The following BCL11B variants were observed in gnomAD, a reference collection of about 807,000 sequenced individuals.
BCL11B encodes BCL11 transcription factor B, also known as B-cell lymphoma/leukemia 11B.
Under a neutral mutation model 49.9 loss-of-function variants are expected in BCL11B, and 8 were observed. That is an observed-to-expected ratio of 0.16 (90% CI 0.09 to 0.29). BCL11B has a LOEUF of 0.29. BCL11B is among the 10% of genes least tolerant of loss of function. BCL11B has a pLI of 1.00. For synonymous variants in BCL11B, 739 were observed against 637.4 expected (o/e 1.16, Z -2.40); for missense variants, 1,006 against 1,351.0 (o/e 0.74, Z 4.00).
At chr14:99,191,208 G>C (rs1031388236) in intron 3 of BCL11B, among the ~76,000 whole-genome samples, 1 of 18,682 alleles carries the variant, frequency 5.4e-5, no homozygotes, top group Non-Finnish European at 3.6e-4. Context: ...AAGACTGAAG[G>C]GGCTTGGGCT....
At chr14:99,219,727 T>C (rs1887954567) in intron 3 of BCL11B, among the ~76,000 whole-genome samples, 1 of 151,772 alleles carries the variant, frequency 6.6e-6, no homozygotes, top group African/African-American at 2.4e-5. Flanking sequence ...ATGAAAATTG[T>C]CCATTTGTAG....
rs1888687624 is a variant in BCL11B, at chr14:99,242,102, G to C, written c.428-10545C>G. On this transcript the variant is annotated intron_variant, in intron 2 of 3. Coordinates refer to ENST00000357195, the MANE Select transcript of BCL11B (RefSeq NM_138576.4). This position sits in a 1 kb window ranked among gnomAD's most constrained non-coding sequence, Gnocchi z 4.4. ...GGGAGCAGGGGCAGGCGGCGCTGAA[G>C]GAAGACTTTCTGAGCGGTTCGGTTC... is the stretch of plus-strand genomic sequence containing the variant. 6.6e-6 allele frequency among the ~76,000 whole-genome samples: 1 copy of C among 152,158 alleles called. No individual in the cohort carries two copies. The highest frequency in any genetic ancestry group is 2.1e-4 in the South Asian group (1 of 4,830).
intron 1 of BCL11B, among the ~76,000 whole-genome samples, chr14:99,270,923 G>A (rs1160829526): frequency 6.6e-6 from 1 of 150,550 alleles, no homozygotes; most frequent in African/African-American, 2.4e-5. Context: ...AGCCGGCTCC[G>A]CAGGCCCCCG....
chr14:99,186,534 CA>C (rs1886858824), intron 3 of BCL11B, among the ~76,000 whole-genome samples: 1 of 152,150 alleles, frequency 6.6e-6, no homozygotes, highest in Admixed American at 6.5e-5. Context: ...AAAAGTGCAT[CA>C]TGCAGAGAAG....
At position 99,228,854 on chromosome 14, in the gene BCL11B, G is replaced by A. The variant is rs1179620343; in HGVS notation, c.640+2491C>T. On this transcript the variant is annotated intron_variant, in intron 3 of 3. Transcript: ENST00000357195. The surrounding 1 kb of genome is among the most constrained non-coding windows in gnomAD (Gnocchi z 4.8). ...AGGGACCTGCCTGCCGACTCTTCCT[G>A]TGTGTGCACAGTGCTACAAGCTAGG... is the stretch of plus-strand genomic sequence containing the variant. Among the ~76,000 whole-genome samples, 1 of 152,220 alleles carries A rather than the reference G, an allele frequency of 6.6e-6. No homozygotes were observed. The highest frequency in any genetic ancestry group is 1.5e-5 in the Non-Finnish European group (1 of 68,050).
chr14:99,198,035 T>C (rs1028337972), intron 3 of BCL11B, among the ~76,000 whole-genome samples: 1 of 152,216 alleles, frequency 6.6e-6, no homozygotes, highest in Non-Finnish European at 1.5e-5. Flanking sequence ...ATCCCCCTGA[T>C]CCATCGAAGG....
chr14:99,194,060 A>G lies in BCL11B; in HGVS notation c.641-17865T>C, dbSNP rs1316952042. Among the ~76,000 whole-genome samples the G allele has an allele frequency of 6.6e-6, 1 of 152,152 alleles. No homozygotes were observed. Among genetic ancestry groups the G allele is most frequent in the Non-Finnish European group, 1.5e-5 (1 of 68,022 alleles). On this transcript the variant is annotated intron_variant, in intron 3 of 3. Transcript: ENST00000357195. The surrounding 1 kb of genome is among the most constrained non-coding windows in gnomAD (Gnocchi z 4.6). ...GCCAGACAATATGGGCCCAAAGCAA[A>G]TGGCAAATTCAGTGATTTTGCAAGG...
chr14:99,191,736 C>T (rs888612631), intron 3 of BCL11B, among the ~76,000 whole-genome samples: 2 of 150,740 alleles, frequency 1.3e-5, no homozygotes, highest in African/African-American at 2.4e-5. Context: ...AAAAAAAATG[C>T]TCCGAGTGAC....
chr14:99,178,493 C>T (rs1461914876), intron 3 of BCL11B, among the ~76,000 whole-genome samples: 1 of 151,494 alleles, frequency 6.6e-6, no homozygotes, highest in Non-Finnish European at 1.5e-5. Context: ...ACCCCAACAC[C>T]ACAGCCCTCC....
Position 99,231,392 on chromosome 14 carries a change from C to A in BCL11B, c.593G>T (p.Gly198Val). ...ARPVSGDGTQ[G>V]EGQTEAPFGC... ...AAAGGGAGCCTCCGTCTGACCCTCACCCTGAGTCCCGTCACCCGAGACCGG... is the reference window on the plus strand; with the variant it reads ...AAAGGGAGCCTCCGTCTGACCCTCAACCTGAGTCCCGTCACCCGAGACCGG... The change falls in exon 3 of 4, where the codon GGT (glycine) becomes GTT (valine). Residue 198 changes from glycine (G) to valine (V), a missense_variant. Coordinates refer to ENST00000357195, the MANE Select transcript of BCL11B (RefSeq NM_138576.4). This position sits in a 1 kb window ranked among gnomAD's most constrained non-coding sequence, Gnocchi z 8.1. The A allele has an allele frequency of 1.2e-6, 2 of 1,602,002 alleles. No homozygotes were observed. The highest frequency in any genetic ancestry group is 1.7e-5 in the Admixed American group (1 of 58,436).
At chr14:99,203,891 G>T (rs115944431) in intron 3 of BCL11B, among the ~76,000 whole-genome samples, 1 of 149,278 alleles carries the variant, frequency 6.7e-6, no homozygotes, top group Non-Finnish European at 1.5e-5. Context: ...CAATCTTATC[G>T]CAACGCCCCA....
chr14:99,231,206 A>G lies in BCL11B; in HGVS notation c.640+139T>C. The G allele has an allele frequency of 1.1e-6, 1 of 936,294 alleles. No homozygotes were observed. The highest frequency in any genetic ancestry group is 2.7e-5 in the East Asian group (1 of 37,124). 58.0% of individuals were successfully genotyped at this position (936,294 alleles called of 1,614,324 possible). ...GCTCATAGTTCAGCGAACATTCTTTACCACTTCCCCTGGCACCCCAAAAAG... is the reference window on the plus strand; with the variant it reads ...GCTCATAGTTCAGCGAACATTCTTTGCCACTTCCCCTGGCACCCCAAAAAG... On this transcript the variant is annotated intron_variant, in intron 3 of 3. Coordinates refer to ENST00000357195, the MANE Select transcript of BCL11B (RefSeq NM_138576.4). This position sits in a 1 kb window ranked among gnomAD's most constrained non-coding sequence, Gnocchi z 8.1.
intron 3 of BCL11B, among the ~76,000 whole-genome samples, chr14:99,197,698 C>T (rs1043158159): frequency 2.6e-5 from 4 of 152,148 alleles, no homozygotes; most frequent in South Asian, 4.1e-4. Flanking sequence ...TTATTTCTAA[C>T]GTCTCTATCT....
intron 3 of BCL11B, among the ~76,000 whole-genome samples, chr14:99,200,465 G>T (rs1228495049): frequency 6.6e-6 from 1 of 152,374 alleles, no homozygotes; most frequent in East Asian, 1.9e-4. Flanking sequence ...GCCCTGTAGG[G>T]CAAGGCATCT....
chr14:99,183,545 T>C (rs1886770102), intron 3 of BCL11B, among the ~76,000 whole-genome samples: 1 of 151,910 alleles, frequency 6.6e-6, no homozygotes, highest in Non-Finnish European at 1.5e-5. Context: ...CCCAGACACT[T>C]CGGCCAAGTT....
At chr14:99,243,319 C>T (rs1423965877) in intron 2 of BCL11B, among the ~76,000 whole-genome samples, 5 of 152,250 alleles carry the variant, frequency 3.3e-5, no homozygotes, top group Non-Finnish European at 7.4e-5. Context: ...CCTCCCAAAG[C>T]CCCTAATTCT....
chr14:99,201,334 G>A (rs1887375607), intron 3 of BCL11B, among the ~76,000 whole-genome samples: 1 of 152,206 alleles, frequency 6.6e-6, no homozygotes. Flanking sequence ...AGGGAGGGCA[G>A]GACACAAATG....
chr14:99,181,720 A>G (rs1886709729), intron 3 of BCL11B, among the ~76,000 whole-genome samples: 1 of 152,196 alleles, frequency 6.6e-6, no homozygotes, highest in Non-Finnish European at 1.5e-5. Flanking sequence ...GGGGTATGAC[A>G]CGTCACTGGG....
chr14:99,264,294 C>CA (rs201735547), intron 1 of BCL11B: 1 of 148,748 alleles, frequency 6.7e-6, no homozygotes, highest in African/African-American at 2.4e-5. Context: ...CACCGCCCCC[C>CA]CCCTTTTTTT....
Sources: allele counts gnomAD v4.1 joint callset (sites outside exome capture counted in the v4.1 genomes callset), GRCh38; gene constraint gnomAD v4.1.1; non-coding constraint Gnocchi (gnomAD v3.1); transcripts MANE v1.5; gene names NCBI Gene and HGNC (gene_info 2026-07-23, HGNC 2026-07-21).